PDCD4: variants seen among roughly 807,000 people sequenced by gnomAD.
PDCD4 encodes programmed cell death 4.
In PDCD4, 56 loss-of-function variants were observed where a neutral mutation model predicts 54.0. The ratio of observed to expected loss-of-function variants is 1.04; its 90% CI spans 0.84 to 1.30. The LOEUF (loss-of-function observed/expected upper bound fraction) is 1.30. Among genes scored for constraint, PDCD4 ranks in the 50% most tolerant of loss-of-function variants. The pLI is 0.00. For synonymous variants in PDCD4, 186 were observed against 194.8 expected (o/e 0.95, Z 0.37); for missense variants, 584 against 559.8 (o/e 1.04, Z -0.44).
At chr10:110,890,717 G>A in intron 8 of PDCD4, 47 bp downstream of exon 8, 2 of 1,212,518 alleles carry the variant, frequency 1.6e-6, no homozygotes, top group Non-Finnish European at 2.4e-6. Flanking sequence ...GTATTCCTCT[G>A]AGTGAAATAA....
chr10:110,874,777 G>A (rs1467183887), intron 1 of PDCD4, among the ~76,000 whole-genome samples: 3 of 152,042 alleles, frequency 2.0e-5, no homozygotes, highest in Non-Finnish European at 4.4e-5. Context: ...ACTTATGTTA[G>A]CAAATAGTAG....
At chr10:110,886,291 C>G (rs1590732733) in intron 5 of PDCD4, among the ~76,000 whole-genome samples, 2 of 152,258 alleles carry the variant, frequency 1.3e-5, no homozygotes, top group East Asian at 1.9e-4. Flanking sequence ...TACTATGTAT[C>G]TGTTAACTGA....
chr10:110,884,390 G>A (rs1481912085), intron 4 of PDCD4, among the ~76,000 whole-genome samples: 1 of 152,146 alleles, frequency 6.6e-6, no homozygotes, highest in Non-Finnish European at 1.5e-5. Context: ...TTAGCATGGG[G>A]AGAGAGGAAT....
intron 5 of PDCD4, 98 bp from the exon 6 acceptor site, chr10:110,887,567 A>C: frequency 4.2e-6 from 3 of 712,576 alleles, no homozygotes; most frequent in South Asian, 3.7e-5. Context: ...AGACGTAGAG[A>C]TATATAGATA....
At chr10:110,876,530 CTG>C in intron 2 of PDCD4, 2 of 382,422 alleles carry the variant, frequency 5.2e-6, no homozygotes, top group Non-Finnish European at 4.7e-6. Context: ...TTCCTATTCT[CTG>C]TTATATAGTA....
chr10:110,872,367 C>G (rs1421667344), intron 1 of PDCD4: 2 of 152,336 alleles, frequency 1.3e-5, no homozygotes, highest in Admixed American at 6.5e-5. Flanking sequence ...CCTCCTCCCC[C>G]TCTGGCGGAG....
intron 6 of PDCD4, 36 bp downstream of exon 6, chr10:110,887,922 A>C (rs769034727): frequency 1.5e-6 from 2 of 1,337,494 alleles, no homozygotes; most frequent in Non-Finnish European, 2.1e-6. Context: ...ATTCCCTCCC[A>C]CTACTATATT....
intron 6 of PDCD4, among the ~76,000 whole-genome samples, chr10:110,888,568 C>G (rs951664359): frequency 6.6e-6 from 1 of 152,048 alleles, no homozygotes; most frequent in Non-Finnish European, 1.5e-5. Context: ...GAAAGGCCAG[C>G]AAAAACTGCT....
At chr10:110,885,174 A>G in intron 4 of PDCD4, 79 bp from the exon 5 acceptor site, 1 of 692,056 alleles carries the variant, frequency 1.4e-6, no homozygotes. Context: ...AACCACTTAG[A>G]ATATAAAATT....
chr10:110,874,759 G>A (rs528841509), intron 1 of PDCD4, among the ~76,000 whole-genome samples: 3 of 152,030 alleles, frequency 2.0e-5, no homozygotes, highest in African/African-American at 4.8e-5. Context: ...TGAAGAAAAG[G>A]GCTATAAACT....
intron 2 of PDCD4, among the ~76,000 whole-genome samples, chr10:110,878,393 T>G (rs1215378562): frequency 6.6e-6 from 1 of 152,198 alleles, no homozygotes; most frequent in Non-Finnish European, 1.5e-5. Flanking sequence ...AGGGACAGTT[T>G]AAGACATTTT....
In PDCD4 at chr10:110,890,670, G is replaced by C. The variant is rs1845741655; in HGVS notation, c.990G>C (p.Glu330Asp). ...AATCTGTCAATCACCTTGTTAAAGA[G>C]GTAATGATTGGGTATTGTTTTTAAC... is the stretch of plus-strand genomic sequence containing the variant. ...GQQSVNHLVK[E>D]IDMLLKEYLL... is the part of the protein sequence containing the mutation. The change falls in exon 8 of 12, where the codon GAG becomes GAC. Residue 330 changes from glutamate (E) to aspartate (D), a missense_variant and splice_region_variant. Coordinates refer to ENST00000280154, the MANE Select transcript of PDCD4 (RefSeq NM_014456.5). 6.4e-7 allele frequency: 1 copy of C among 1,556,144 alleles called. No homozygotes were observed. Among genetic ancestry groups the C allele is most frequent in the African/African-American group, 1.4e-5 (1 of 73,794 alleles).
intron 5 of PDCD4, among the ~76,000 whole-genome samples, chr10:110,886,675 C>G (rs973251697): frequency 6.6e-6 from 1 of 152,116 alleles, no homozygotes; most frequent in African/African-American, 2.4e-5. Flanking sequence ...TGTGTGCCCT[C>G]TCTCCTTTGA....
chr10:110,876,724 T>C lies in PDCD4; in HGVS notation c.43+654T>C, dbSNP rs368706064. On this transcript the variant is annotated intron_variant, in intron 2 of 11. Transcript: ENST00000280154. ...CAATAGCATGTTATTATCATAAAAA[T>C]GAACAGTTTTGTGGAATAGATGACC... 15 of 1,323,966 alleles carry C rather than the reference T, an allele frequency of 1.1e-5. No individual in the cohort carries two copies. In the African/African-American group the frequency reaches 2.2e-4, roughly 20 times the overall value. 82.0% of individuals were successfully genotyped at this position (1,323,966 alleles called of 1,614,324 possible).
intron 5 of PDCD4, among the ~76,000 whole-genome samples, chr10:110,887,089 G>A (rs1845679540): frequency 6.6e-6 from 1 of 152,122 alleles, no homozygotes; most frequent in African/African-American, 2.4e-5. Context: ...GTAGTTTAAT[G>A]AACTAGCCAT....
chr10:110,881,914 T>G (rs181142705), intron 3 of PDCD4, among the ~76,000 whole-genome samples: 156 of 152,334 alleles, frequency 1.0e-3, no homozygotes, highest in Non-Finnish European at 1.5e-3. Flanking sequence ...AAATATACAT[T>G]TGATTGATAA....
chr10:110,879,057 A>G (rs116604170), intron 2 of PDCD4, among the ~76,000 whole-genome samples: 1,610 of 152,262 alleles, frequency 0.011, 24 homozygotes, highest in African/African-American at 0.037. Flanking sequence ...CTTTAATCCT[A>G]GATACATTCT....
chr10:110,885,394 A>T (rs374649546), intron 5 of PDCD4, 28 bp downstream of exon 5: 4 of 1,021,174 alleles, frequency 3.9e-6, no homozygotes, highest in African/African-American at 3.2e-5. Context: ...AGTATAATTT[A>T]TTTAATATAG....
At chr10:110,885,228 C>T (rs955374358) in intron 4 of PDCD4, 25 bp from the exon 5 acceptor site, 3 of 1,071,062 alleles carry the variant, frequency 2.8e-6, no homozygotes, top group African/African-American at 3.2e-5. Context: ...TTTTTTATAA[C>T]TCTTACTCCC....
Sources: gnomAD v4.1 joint callset for allele counts (sites outside exome capture counted in the v4.1 genomes callset) on GRCh38, gnomAD v4.1.1 for gene constraint, MANE v1.5 for transcripts, NCBI Gene and HGNC (gene_info 2026-07-23, HGNC 2026-07-21) for gene names.